Variants in STK3 observed in about 807,000 individuals in gnomAD.
The protein encoded by STK3 is serine/threonine-protein kinase 3.
In STK3, 41 loss-of-function variants were observed where a neutral mutation model predicts 58.0. The observed-to-expected ratio is 0.71, with a 90% confidence interval of 0.55 to 0.92. The LOEUF is 0.92. Among genes scored for constraint, STK3 ranks in the 40% least tolerant of loss-of-function variants. The pLI is 0.00. For synonymous variants in STK3, 170 were observed against 191.0 expected (o/e 0.89, Z 0.91); for missense variants, 479 against 602.7 (o/e 0.79, Z 2.15).
intron 1 of STK3, among the ~76,000 whole-genome samples, chr8:98,820,802 C>T (rs1006086478): frequency 7.2e-5 from 11 of 152,034 alleles, no homozygotes; most frequent in Non-Finnish European, 7.4e-5. Context: ...ACGGTAAAAC[C>T]CCATCTCTAC....
intron 10 of STK3, among the ~76,000 whole-genome samples, chr8:98,489,417 C>A (rs921673110): frequency 6.6e-6 from 1 of 152,014 alleles, no homozygotes; most frequent in Non-Finnish European, 1.5e-5. Flanking sequence ...TACCTCTTCC[C>A]AATTAATTTA....
chr8:98,605,796 T>C (rs906897882), intron 6 of STK3, among the ~76,000 whole-genome samples: 1 of 152,132 alleles, frequency 6.6e-6, no homozygotes, highest in African/African-American at 2.4e-5. Flanking sequence ...GATTGGACCA[T>C]GGGGGTGGAG....
chr8:98,374,711 C>T (rs1384936484), intron 2 of STK3, among the ~76,000 whole-genome samples: 1 of 152,100 alleles, frequency 6.6e-6, no homozygotes, highest in African/African-American at 2.4e-5. Context: ...AGCTCTCTAC[C>T]ATGGATGTGG....
At chr8:98,676,186 G>C (rs190208986) in intron 6 of STK3, among the ~76,000 whole-genome samples, 136 of 152,258 alleles carry the variant, frequency 8.9e-4, no homozygotes, top group African/African-American at 3.2e-3. Context: ...AAATACAATA[G>C]TTCTAACTTG....
At chr8:98,728,942 C>T (rs941285852) in intron 4 of STK3, among the ~76,000 whole-genome samples, 4 of 152,134 alleles carry the variant, frequency 2.6e-5, no homozygotes, top group African/African-American at 9.7e-5. Context: ...AAGCACTTAA[C>T]ATCAAGGCAG....
At chr8:98,659,715 T>A (rs1821821264) in intron 6 of STK3, among the ~76,000 whole-genome samples, 2 of 151,906 alleles carry the variant, frequency 1.3e-5, no homozygotes, top group Admixed American at 6.6e-5. Flanking sequence ...TTCCAATCAA[T>A]TAAATATCTA....
In STK3 at chr8:98,870,812, A is replaced by G. The variant is rs573529213; in HGVS notation, c.110+12835T>C. ...TAGGTTGCCTGTTCACTCTGATGGT[A>G]GTTTCTTTTGCTGTGCAGAAGCTCT... On this transcript the variant is annotated intron_variant, in intron 3 of 12. Coordinates refer to the STK3 transcript ENST00000523601. 1.8e-3 allele frequency among the ~76,000 whole-genome samples: 280 copies of G among 152,288 alleles called. 1 individual carries two copies. Among genetic ancestry groups the G allele is most frequent in the African/African-American group, 6.3e-3 (262 of 41,564 alleles).
intron 6 of STK3, chr8:98,597,197 G>A (rs1392611397): frequency 1.1e-5 from 9 of 792,542 alleles, no homozygotes; most frequent in Non-Finnish European, 1.1e-5. Flanking sequence ...TCTTTTGAAT[G>A]CCCTCAGAAT....
intron 3 of STK3, among the ~76,000 whole-genome samples, chr8:98,858,889 A>G (rs1342466878): frequency 1.4e-5 from 2 of 146,182 alleles, no homozygotes; most frequent in African/African-American, 5.1e-5. Flanking sequence ...AGACAGCAAG[A>G]CTCCATCTAA....
At chr8:98,877,609 A>G (rs189348560) in intron 3 of STK3, among the ~76,000 whole-genome samples, 1 of 151,912 alleles carries the variant, frequency 6.6e-6, no homozygotes, top group Non-Finnish European at 1.5e-5. Flanking sequence ...TCAGCCTCTC[A>G]AGTAGCTGGG....
At chr8:98,377,874 G>A (rs539615777) in intron 2 of STK3, among the ~76,000 whole-genome samples, 6 of 152,134 alleles carry the variant, frequency 3.9e-5, no homozygotes, top group Non-Finnish European at 8.8e-5. Context: ...CTCAGGGAGG[G>A]AAACGTGTTT....
intron 1 of STK3, among the ~76,000 whole-genome samples, chr8:98,935,594 A>C (rs1840166070): frequency 6.6e-6 from 1 of 152,250 alleles, no homozygotes; most frequent in South Asian, 2.1e-4. Flanking sequence ...AAACAAGATT[A>C]TAATATAATG....
chr8:98,785,386 C>T (rs566584683), intron 1 of STK3, among the ~76,000 whole-genome samples: 1 of 152,344 alleles, frequency 6.6e-6, no homozygotes, highest in South Asian at 2.1e-4. Context: ...CCACCCATCC[C>T]TGTGCAGAGA....
At chr8:98,714,219 C>G (rs1330419568) in intron 4 of STK3, among the ~76,000 whole-genome samples, 1 of 152,180 alleles carries the variant, frequency 6.6e-6, no homozygotes. Flanking sequence ...AAAACTGGCA[C>G]AAGACAGGGA....
intron 3 of STK3, among the ~76,000 whole-genome samples, chr8:98,839,363 C>T (rs1296223943): frequency 2.6e-5 from 4 of 152,278 alleles, no homozygotes. Context: ...TCTTCCTTAA[C>T]TCAACATAGA....
chr8:98,599,402 G>A (rs1472173375), intron 6 of STK3, among the ~76,000 whole-genome samples: 1 of 151,968 alleles, frequency 6.6e-6, no homozygotes, highest in Non-Finnish European at 1.5e-5. Context: ...AAACTGGCTT[G>A]AGTTCTAAAT....
At chr8:98,614,283 AACAT>A (rs1817463417) in intron 6 of STK3, among the ~76,000 whole-genome samples, 1 of 152,188 alleles carries the variant, frequency 6.6e-6, no homozygotes, top group African/African-American at 2.4e-5. Context: ...TGAGGCATAA[AACAT>A]ACATCAACAA....
rs1564087263 is a variant in STK3, at chr8:98,893,484, A to AAAGAAAG, written c.-78-9651_-78-9650insCTTTCTT. ...AAAGAAAGAAAGAAAGAAAGAAAGA[A>AAAGAAAG]AGAGAAAGAAAGAAAGAAAGAAAGA... On this transcript the variant is annotated intron_variant, in intron 1 of 1. Transcript: ENST00000519420. 7.3e-4 allele frequency among the ~76,000 whole-genome samples: 32 copies of AAAGAAAG among 43,608 alleles called. 1 individual carries two copies. The highest frequency in any genetic ancestry group is 3.0e-3 in the African/African-American group (31 of 10,298). 28.6% of individuals were successfully genotyped at this position (43,608 alleles called of 152,430 possible).
chr8:98,605,504 T>G (rs1816705738), intron 6 of STK3, among the ~76,000 whole-genome samples: 1 of 150,410 alleles, frequency 6.6e-6, no homozygotes, highest in Non-Finnish European at 1.5e-5. Context: ...CGGCATGATC[T>G]CGGCTCACTG....
Sources: gnomAD v4.1 joint callset for allele counts (sites outside exome capture counted in the v4.1 genomes callset) on GRCh38, gnomAD v4.1.1 for gene constraint, MANE v1.5 for transcripts, NCBI Gene and HGNC (gene_info 2026-07-23, HGNC 2026-07-21) for gene names.